The following HSD17B12 variants were observed in gnomAD, a reference collection of about 807,000 sequenced individuals.
HSD17B12 encodes the protein hydroxysteroid 17-beta dehydrogenase 12, also known as very-long-chain 3-oxoacyl-CoA reductase.
In HSD17B12, 32 loss-of-function variants were observed where a neutral mutation model predicts 39.3. The observed-to-expected ratio is 0.81, with a 90% CI of 0.61 to 1.09. HSD17B12 has a LOEUF of 1.09. Ranked by LOEUF, HSD17B12 falls within the 50% of genes least tolerant of loss-of-function variation. The probability of loss-of-function intolerance (pLI) is 0.00; values close to 1 mark genes in which losing one functional copy is unlikely to be tolerated. For missense variants in HSD17B12, 342 were observed against 382.9 expected, an observed-to-expected ratio of 0.89 and a Z score of 0.89; for synonymous variants, 150 against 146.7, an observed-to-expected ratio of 1.02 and a Z score of -0.16.
At chr11:43,788,000 C>CT (rs1950831603) in intron 3 of HSD17B12, among the ~76,000 whole-genome samples, 1 of 151,992 alleles carries the variant, frequency 6.6e-6, no homozygotes, top group Non-Finnish European at 1.5e-5. Flanking sequence ...AAAGAGATTA[C>CT]TTTTTTAAAA....
At chr11:43,848,926 G>A (rs1167773913) in intron 9 of HSD17B12, among the ~76,000 whole-genome samples, 1 of 152,168 alleles carries the variant, frequency 6.6e-6, no homozygotes, top group African/African-American at 2.4e-5. Context: ...ACATTTTGCA[G>A]TATCTTACTA....
At chr11:43,613,429 A>G in the HSD17B12 span, among the ~76,000 whole-genome samples, 5 of 151,694 alleles carry the variant, frequency 3.3e-5, no homozygotes, top group South Asian at 1.0e-3. Context: ...ACAAAAAAAA[A>G]CAAACGAACA....
At chr11:43,754,979 A>G in intron 3 of HSD17B12, 2 of 676,270 alleles carry the variant, frequency 3.0e-6, no homozygotes, top group East Asian at 5.3e-5. Flanking sequence ...TTGGTAAAAC[A>G]TACTAACTGA....
chr11:43,673,492 C>CT, the HSD17B12 span: 24,463 of 83,088 alleles, frequency 0.29, 4,475 homozygotes, highest in African/African-American at 0.34. Flanking sequence ...CTTTTCTTTT[C>CT]TTTTTTTTTT....
At chr11:43,776,679 C>A (rs2134999605) in intron 3 of HSD17B12, among the ~76,000 whole-genome samples, 2 of 152,244 alleles carry the variant, frequency 1.3e-5, no homozygotes, top group South Asian at 4.1e-4. Context: ...AAGTCCTTGC[C>A]CATGCCTATG....
At chr11:43,621,135 C>T in the HSD17B12 span, among the ~76,000 whole-genome samples, 3 of 152,208 alleles carry the variant, frequency 2.0e-5, no homozygotes, top group Admixed American at 6.5e-5. Flanking sequence ...CATGGGCCAA[C>T]CAGATGGAGT....
chr11:43,588,199 T>TA, the HSD17B12 span, among the ~76,000 whole-genome samples: 1 of 152,202 alleles, frequency 6.6e-6, no homozygotes, highest in African/African-American at 2.4e-5. Flanking sequence ...GATCAGCTAC[T>TA]AAAAAAACTG....
chr11:43,847,568 G>C (rs570279698), intron 9 of HSD17B12, among the ~76,000 whole-genome samples: 1 of 151,862 alleles, frequency 6.6e-6, no homozygotes, highest in South Asian at 2.1e-4. Flanking sequence ...TTAGCTGGGC[G>C]TGGTGGTGCA....
At chr11:43,801,309 T>C (rs1950965960) in intron 4 of HSD17B12, among the ~76,000 whole-genome samples, 1 of 152,022 alleles carries the variant, frequency 6.6e-6, no homozygotes, top group South Asian at 2.1e-4. Flanking sequence ...GGAGAAATAA[T>C]GGTAACTTGT....
upstream of HSD17B12, among the ~76,000 whole-genome samples, chr11:43,677,894 C>T (rs146956242): frequency 0.026 from 4,026 of 152,266 alleles, 80 homozygotes; most frequent in Non-Finnish European, 0.036. Flanking sequence ...AATAAACATA[C>T]GCGTGCATGT....
chr11:43,690,381 TA>T (rs1565049614), intron 1 of HSD17B12, among the ~76,000 whole-genome samples: 252 of 13,818 alleles, frequency 0.018, 9 homozygotes, highest in Non-Finnish European at 0.026. Flanking sequence ...TATATATATA[TA>T]TATATATATA....
chr11:43,839,786 T>C (rs1318987628), intron 8 of HSD17B12, among the ~76,000 whole-genome samples: 1 of 152,196 alleles, frequency 6.6e-6, no homozygotes, highest in Non-Finnish European at 1.5e-5. Context: ...ATCTGGATAT[T>C]ATATTTGGTA....
At chr11:43,577,559 A>G in the HSD17B12 span, among the ~76,000 whole-genome samples, 1 of 152,142 alleles carries the variant, frequency 6.6e-6, no homozygotes, top group African/African-American at 2.4e-5. Flanking sequence ...GTGACTCAAA[A>G]TAAGAGCCTA....
At chr11:43,669,330 G>A in the HSD17B12 span, among the ~76,000 whole-genome samples, 8 of 151,990 alleles carry the variant, frequency 5.3e-5, no homozygotes, top group South Asian at 2.1e-4. Flanking sequence ...CTGAAACCCC[G>A]TCTCTACTAA....
chr11:43,615,765 A>G, the HSD17B12 span, among the ~76,000 whole-genome samples: 2 of 152,202 alleles, frequency 1.3e-5, no homozygotes, highest in Non-Finnish European at 2.9e-5. Flanking sequence ...ATCACAGCTG[A>G]AAGTGGAAGT....
chr11:43,685,181 G>A (rs1239400890), intron 1 of HSD17B12, among the ~76,000 whole-genome samples: 1 of 152,130 alleles, frequency 6.6e-6, no homozygotes, highest in Non-Finnish European at 1.5e-5. Flanking sequence ...AACTCGTTTG[G>A]CTTTGCAGTA....
intron 1 of HSD17B12, among the ~76,000 whole-genome samples, chr11:43,749,827 G>C (rs1950448647): frequency 6.6e-6 from 1 of 151,966 alleles, no homozygotes; most frequent in Admixed American, 6.6e-5. Flanking sequence ...ACCATAACTT[G>C]TTTTTCAAAG....
chr11:43,714,989 T>C (rs1590686139), intron 1 of HSD17B12, among the ~76,000 whole-genome samples: 1 of 152,234 alleles, frequency 6.6e-6, no homozygotes, highest in East Asian at 1.9e-4. Flanking sequence ...CCTGAGACTT[T>C]GCTGAATTTG....
At chr11:43,808,385 A>T (rs1951038849) in intron 4 of HSD17B12, among the ~76,000 whole-genome samples, 1 of 151,592 alleles carries the variant, frequency 6.6e-6, no homozygotes, top group African/African-American at 2.4e-5. Flanking sequence ...GTTGGCTGAG[A>T]TTGGATTTGT....
Sources: gnomAD v4.1 joint callset for allele counts (sites outside exome capture counted in the v4.1 genomes callset) on GRCh38, gnomAD v4.1.1 for gene constraint, MANE v1.5 for transcripts, NCBI Gene and HGNC (gene_info 2026-07-23, HGNC 2026-07-21) for gene names.